DPY19L3: variants seen among roughly 807,000 people sequenced by gnomAD.
The protein encoded by DPY19L3 is dpy-19 like C-mannosyltransferase 3.
A neutral mutation model predicts 92.3 loss-of-function variants in DPY19L3; 51 were observed. That is an observed-to-expected ratio of 0.55 (90% CI 0.44 to 0.70). The LOEUF is 0.70. Ranked by LOEUF, DPY19L3 falls within the 30% of genes least tolerant of loss-of-function variation. DPY19L3 has a pLI of 0.00. For missense variants in DPY19L3, 706 were observed against 855.9 expected, an observed-to-expected ratio of 0.82 and a Z score of 2.18; for synonymous variants, 309 against 315.2, an observed-to-expected ratio of 0.98 and a Z score of 0.21.
At chr19:32,435,707 A>C (rs1217525687) in intron 4 of DPY19L3, among the ~76,000 whole-genome samples, 1 of 152,200 alleles carries the variant, frequency 6.6e-6, no homozygotes, top group Non-Finnish European at 1.5e-5. Context: ...AATAGGAGCA[A>C]GGTTGAGGAT....
In DPY19L3 at chr19:32,454,938, G is replaced by A; in HGVS notation, c.988-1G>A. 6.5e-7 allele frequency: 1 copy of A among 1,536,502 alleles called. No individual in the cohort carries two copies. The highest frequency in any genetic ancestry group is 8.8e-7 in the Non-Finnish European group (1 of 1,141,892). ...TAAAACATAACTCTTTTAATTTCTA[G>A]AAAAATCTGAAAACTGGAAGCTTCC... On this transcript the variant is annotated splice_acceptor_variant, in intron 9 of 18. Coordinates refer to ENST00000392250, the MANE Select transcript of DPY19L3 (RefSeq NM_001172774.2). LOFTEE classifies it high-confidence loss of function.
chr19:32,425,677 C>T (rs1383444404), intron 3 of DPY19L3, among the ~76,000 whole-genome samples: 1 of 151,956 alleles, frequency 6.6e-6, no homozygotes, highest in African/African-American at 2.4e-5. Context: ...TATCAATGAG[C>T]AGTAGTATTT....
chr19:32,469,015 T>G, intron 16 of DPY19L3: 1 of 384,614 alleles, frequency 2.6e-6, no homozygotes, highest in Non-Finnish European at 4.3e-6. Context: ...CTATATCTCA[T>G]GAAGAAAGGA....
rs757372371 is a variant in DPY19L3, at chr19:32,480,385, A to G, written c.1831-14A>G. ...GTAGCATTTGCCACATTGCATTTTT[A>G]TGTCTTTTTGAAGGTTTATCAGATA... On this transcript the variant is annotated splice_polypyrimidine_tract_variant and intron_variant, in intron 17 of 18. Coordinates refer to ENST00000392250, the MANE Select transcript of DPY19L3 (RefSeq NM_001172774.2). 23 of 1,599,848 alleles carry G rather than the reference A, an allele frequency of 1.4e-5. No individual in the cohort carries two copies. The South Asian group carries it at 2.3e-4, about 16-fold the overall frequency.
At chr19:32,480,773 G>T in intron 18 of DPY19L3, 1 of 619,520 alleles carries the variant, frequency 1.6e-6, no homozygotes, top group Admixed American at 3.2e-5. Flanking sequence ...GGGGAGCCCT[G>T]GGTCCCCAGT....
At chr19:32,448,408 C>T (rs1969588313) in intron 8 of DPY19L3, among the ~76,000 whole-genome samples, 1 of 152,072 alleles carries the variant, frequency 6.6e-6, no homozygotes, top group South Asian at 2.1e-4. Context: ...GCCGATGTCT[C>T]CCCCCAGCAG....
At chr19:32,462,671 A>T (rs998399810) in intron 12 of DPY19L3, among the ~76,000 whole-genome samples, 10 of 152,254 alleles carry the variant, frequency 6.6e-5, no homozygotes, top group Non-Finnish European at 8.8e-5. Flanking sequence ...CCTGTTTTTT[A>T]AAAAAAGGAG....
intron 3 of DPY19L3, 197 bp downstream of exon 3, chr19:32,411,569 A>T: frequency 2.1e-6 from 1 of 477,966 alleles, no homozygotes; most frequent in Non-Finnish European, 3.5e-6. Flanking sequence ...ATTTTTCTTT[A>T]TTATTTATTT....
At position 32,439,785 on chromosome 19, in the gene DPY19L3, C is replaced by G; in HGVS notation, c.730C>G (p.Leu244Val). Residue 244 changes from leucine (L) to valine (V), a missense_variant, in exon 8 of 19, where the codon CTT becomes GTT. Transcript: ENST00000392250. ...NLQPLSERLT[L>V]LAIFISTFLF... is the part of the protein sequence containing the mutation. ...GGTTTTCTTTTTACAGAGGCTGACA[C>G]TTCTTGCCATTTTCATATCAACTTT... The G allele has an allele frequency of 6.2e-7, 1 of 1,613,438 alleles. No individual in the cohort carries two copies. The highest frequency in any genetic ancestry group is 8.5e-7 in the Non-Finnish European group (1 of 1,179,636).
intron 3 of DPY19L3, among the ~76,000 whole-genome samples, chr19:32,421,022 T>C (rs539907444): frequency 1.3e-4 from 20 of 152,220 alleles, no homozygotes; most frequent in Non-Finnish European, 2.4e-4. Context: ...TACTATGCTT[T>C]TTCCATATAT....
At position 32,455,006 on chromosome 19, in the gene DPY19L3, T is replaced by C; in HGVS notation, c.1055T>C (p.Leu352Ser). Reference protein sequence around the residue: ...GKLLLHLFMVLCLTLFLNNII... With the variant: ...GKLLLHLFMVSCLTLFLNNII... Reference sequence around the variant, plus strand: ...CTTTTGTTACATTTATTTATGGTTTTATGTTTGACACTTTTTCTCAACAAC... The same window carrying C: ...CTTTTGTTACATTTATTTATGGTTTCATGTTTGACACTTTTTCTCAACAAC... Residue 352 changes from leucine (L) to serine (S), a missense_variant, in exon 10 of 19, where the codon TTA becomes TCA. Coordinates refer to ENST00000392250, the MANE Select transcript of DPY19L3 (RefSeq NM_001172774.2). 6.4e-7 allele frequency: 1 copy of C among 1,572,326 alleles called. No homozygotes were observed. The highest frequency in any genetic ancestry group is 8.6e-7 in the Non-Finnish European group (1 of 1,167,402).
intron 6 of DPY19L3, among the ~76,000 whole-genome samples, chr19:32,438,309 T>C (rs1379906910): frequency 2.0e-5 from 3 of 152,192 alleles, no homozygotes; most frequent in Non-Finnish European, 4.4e-5. Flanking sequence ...ACAATATGTG[T>C]TATATGGGTT....
intron 3 of DPY19L3, among the ~76,000 whole-genome samples, chr19:32,424,948 A>G (rs1402766123): frequency 6.6e-6 from 1 of 152,206 alleles, no homozygotes; most frequent in African/African-American, 2.4e-5. Flanking sequence ...AGTGATTTTC[A>G]GCAGGGCACC....
rs1028433607 is a variant in DPY19L3, at chr19:32,484,342, A to G, written c.*2102A>G. The G allele has an allele frequency of 3.3e-5, 5 of 152,360 alleles. No individual in the cohort carries two copies. Among genetic ancestry groups the G allele is most frequent in the Non-Finnish European group, 5.9e-5 (4 of 68,034 alleles). 9.4% of individuals were successfully genotyped at this position (152,360 alleles called of 1,614,324 possible). A position where few individuals can be genotyped will look rare whatever the true frequency, so the allele number is the denominator to read the frequency against. On this transcript the variant is annotated 3_prime_UTR_variant, in exon 19 of 19. Coordinates refer to ENST00000392250, the MANE Select transcript of DPY19L3 (RefSeq NM_001172774.2). ...TTTTAGCACTCATCAGTATTCTCCA[A>G]TGTGACCTTCTCATTGGAGTACACA...
At chr19:32,429,222 G>A (rs186474829) in intron 3 of DPY19L3, among the ~76,000 whole-genome samples, 2 of 152,254 alleles carry the variant, frequency 1.3e-5, no homozygotes, top group Non-Finnish European at 2.9e-5. Flanking sequence ...AGATGTTTTC[G>A]TTCTGTCAAC....
intron 12 of DPY19L3, among the ~76,000 whole-genome samples, chr19:32,462,996 T>G (rs958360873): frequency 1.3e-5 from 2 of 152,200 alleles, no homozygotes; most frequent in Non-Finnish European, 2.9e-5. Context: ...TTTTGCTTAT[T>G]TGTAAAAATT....
chr19:32,482,300 A>G lies in DPY19L3; in HGVS notation c.*60A>G, dbSNP rs1347440815. 53 of 1,563,200 alleles carry G rather than the reference A, an allele frequency of 3.4e-5. 1 individual carries two copies. The East Asian group carries it at 9.7e-4, about 29-fold the overall frequency. On this transcript the variant is annotated 3_prime_UTR_variant, in exon 19 of 19. Coordinates refer to ENST00000392250, the MANE Select transcript of DPY19L3 (RefSeq NM_001172774.2). ...GAGAAACTGCATCATGATGAAACTC[A>G]ATAGATGACGTTTCCTATGTAAGTA...
At chr19:32,472,252 T>C (rs1212577188) in intron 16 of DPY19L3, among the ~76,000 whole-genome samples, 1 of 152,120 alleles carries the variant, frequency 6.6e-6, no homozygotes, top group Non-Finnish European at 1.5e-5. Context: ...ACCAACAGTG[T>C]TTAGGGATTA....
At chr19:32,425,273 C>A (rs1331245556) in intron 3 of DPY19L3, among the ~76,000 whole-genome samples, 3 of 152,068 alleles carry the variant, frequency 2.0e-5, no homozygotes, top group African/African-American at 7.2e-5. Context: ...ACCATCAGAC[C>A]AGGTGCTGTG....
Sources: gnomAD v4.1 joint callset for allele counts (sites outside exome capture counted in the v4.1 genomes callset) on GRCh38, gnomAD v4.1.1 for gene constraint, MANE v1.5 for transcripts, NCBI Gene and HGNC (gene_info 2026-07-23, HGNC 2026-07-21) for gene names.